GRK4: variants seen among roughly 807,000 people sequenced by gnomAD.
GRK4 encodes G protein-coupled receptor kinase 4.
Under a neutral mutation model 77.9 loss-of-function variants are expected in GRK4, and 73 were observed. The observed-to-expected ratio is 0.94, with a 90% CI of 0.78 to 1.14. The LOEUF (loss-of-function observed/expected upper bound fraction) is 1.14, where lower values mean the gene tolerates loss of function less well. Ranked by LOEUF, GRK4 falls within the 50% of genes most tolerant of loss-of-function variation. GRK4 has a pLI of 0.00. For synonymous variants in GRK4, 257 were observed against 254.4 expected, an observed-to-expected ratio of 1.01 and a Z score of -0.10; for missense variants, 729 against 700.2, an observed-to-expected ratio of 1.04 and a Z score of -0.46.
intron 10 of GRK4, among the ~76,000 whole-genome samples, chr4:3,026,484 C>T (rs1173751705): frequency 1.3e-5 from 2 of 152,202 alleles, no homozygotes; most frequent in African/African-American, 2.4e-5. Context: ...AATCCCAGCA[C>T]TTTGGGAGGC....
At chr4:2,976,440 G>A (rs903914166) in intron 1 of GRK4, among the ~76,000 whole-genome samples, 11 of 151,732 alleles carry the variant, frequency 7.2e-5, no homozygotes, top group East Asian at 3.9e-4. Context: ...TGCCCAGGCT[G>A]CATTCTGTTT....
chr4:3,038,344 G>A (rs370192429), intron 14 of GRK4, 32 bp from the exon 15 acceptor site: 24 of 1,612,348 alleles, frequency 1.5e-5, no homozygotes, highest in Non-Finnish European at 1.9e-5. Flanking sequence ...GTTTCTCTGC[G>A]GCTTCTCTGT....
At chr4:3,010,911 G>C (rs1435245867) in intron 7 of GRK4, among the ~76,000 whole-genome samples, 2 of 152,170 alleles carry the variant, frequency 1.3e-5, no homozygotes, top group Non-Finnish European at 2.9e-5. Context: ...GGCCAACGTA[G>C]TTGTTACTTC....
intron 2 of GRK4, among the ~76,000 whole-genome samples, chr4:2,987,484 T>A (rs1724755676): frequency 1.3e-5 from 2 of 152,132 alleles, no homozygotes; most frequent in African/African-American, 4.8e-5. Flanking sequence ...TGGCATTGAG[T>A]TGGATATTGC....
chr4:3,024,157 TC>T (rs1404558790), intron 10 of GRK4, among the ~76,000 whole-genome samples: 2 of 152,186 alleles, frequency 1.3e-5, no homozygotes, highest in Admixed American at 1.3e-4. Context: ...TGAAAGGCAC[TC>T]CCGGGTGGGA....
intron 5 of GRK4, among the ~76,000 whole-genome samples, chr4:3,004,743 G>A (rs1041828701): frequency 1.1e-4 from 17 of 152,062 alleles, no homozygotes; most frequent in African/African-American, 4.1e-4. Flanking sequence ...CTTCATCCTC[G>A]TCATCTGCAC....
chr4:3,008,443 T>A (rs1451466393), intron 6 of GRK4, among the ~76,000 whole-genome samples: 1 of 152,174 alleles, frequency 6.6e-6, no homozygotes, highest in Non-Finnish European at 1.5e-5. Flanking sequence ...ATTGCTAGGA[T>A]CACCTGGGAA....
intron 12 of GRK4, among the ~76,000 whole-genome samples, chr4:3,031,232 C>T (rs999033650): frequency 1.3e-5 from 2 of 152,104 alleles, no homozygotes; most frequent in African/African-American, 4.8e-5. Flanking sequence ...TGCAGCACAG[C>T]TGGGGAGACG....
chr4:2,973,129 C>T (rs1332463148), intron 1 of GRK4, among the ~76,000 whole-genome samples: 3 of 152,230 alleles, frequency 2.0e-5, no homozygotes, highest in African/African-American at 7.2e-5. Context: ...CTTGCCACAT[C>T]CCAGGCATCA....
chr4:2,985,773 C>T (rs1358764642), intron 2 of GRK4: 15 of 293,374 alleles, frequency 5.1e-5, no homozygotes, highest in South Asian at 1.1e-4. Flanking sequence ...CTGAGGTGGG[C>T]GGATCACGAG....
intron 1 of GRK4, among the ~76,000 whole-genome samples, chr4:2,976,403 T>G (rs1042277538): frequency 1.3e-5 from 2 of 151,594 alleles, no homozygotes; most frequent in Non-Finnish European, 2.9e-5. Context: ...GAGTAATTTT[T>G]TTTTTAGAGA....
intron 9 of GRK4, among the ~76,000 whole-genome samples, chr4:3,021,540 C>G (rs533001219): frequency 2.6e-4 from 40 of 152,310 alleles, no homozygotes; most frequent in African/African-American, 9.1e-4. Context: ...AGAGACCAGG[C>G]TTGGCAGTGG....
In GRK4 at chr4:3,038,528, A is replaced by C. The variant is rs1741487249; in HGVS notation, c.1683+15A>C. On this transcript the variant is annotated intron_variant, in intron 15 of 15. Coordinates refer to ENST00000398052, the MANE Select transcript of GRK4 (RefSeq NM_182982.3). ...TCAGAAGAGGGGTAAAAAGACTTAA[A>C]AACTAATATATGTGTGTGTATGTGA... is the stretch of plus-strand genomic sequence containing the variant. 6.2e-7 allele frequency: 1 copy of C among 1,603,186 alleles called. No homozygotes were observed. Among genetic ancestry groups the C allele is most frequent in the South Asian group, 1.1e-5 (1 of 89,900 alleles).
At chr4:2,989,595 C>T (rs1338481337) in intron 3 of GRK4, among the ~76,000 whole-genome samples, 3 of 152,144 alleles carry the variant, frequency 2.0e-5, no homozygotes, top group East Asian at 1.9e-4. Flanking sequence ...GCCACTGTGC[C>T]CGGCTCTAAG....
chr4:2,965,144 T>G, intron 1 of GRK4: 1 of 619,684 alleles, frequency 1.6e-6, no homozygotes, highest in Non-Finnish European at 2.9e-6. Flanking sequence ...TCCTGCTTAG[T>G]CTTTGTTCAA....
chr4:3,014,294 C>CTATTTTTT (rs1733795303), intron 8 of GRK4, among the ~76,000 whole-genome samples: 1 of 120,592 alleles, frequency 8.3e-6, no homozygotes, highest in African/African-American at 3.4e-5. Context: ...CTCTCTCTCT[C>CTATTTTTT]TCTTTTTTTT....
intron 8 of GRK4, among the ~76,000 whole-genome samples, chr4:3,018,051 ATTTTCTTTTTCT>A (rs142601837): frequency 4.7e-5 from 7 of 149,968 alleles, no homozygotes; most frequent in Non-Finnish European, 7.4e-5. Context: ...AGCCCTCATC[ATTTTCTTTTTCT>A]TTTTCTTTTT....
chr4:2,988,897 A>G (rs1339735571), intron 3 of GRK4, 58 bp downstream of exon 3: 1 of 1,173,550 alleles, frequency 8.5e-7, no homozygotes, highest in African/African-American at 1.5e-5. Flanking sequence ...TGAAAATGTA[A>G]AAACTTGGCC....
intron 1 of GRK4, among the ~76,000 whole-genome samples, chr4:2,981,530 CA>C (rs1560369428): frequency 6.6e-6 from 1 of 152,206 alleles, no homozygotes; most frequent in African/African-American, 2.4e-5. Context: ...GATGAGTATA[CA>C]GCCCTCAGTG....
Sources: allele counts gnomAD v4.1 joint callset (sites outside exome capture counted in the v4.1 genomes callset), GRCh38; gene constraint gnomAD v4.1.1; transcripts MANE v1.5; gene names NCBI Gene and HGNC (gene_info 2026-07-23, HGNC 2026-07-21).